Variants in SCMH1 observed in about 807,000 individuals in gnomAD.
SCMH1 encodes the protein Scm polycomb group protein homolog 1, also known as polycomb protein SCMH1.
In SCMH1, 37 loss-of-function variants were observed where a neutral mutation model predicts 70.8. The observed-to-expected ratio is 0.52, with a 90% CI of 0.40 to 0.69. The LOEUF is 0.69. Ranked by LOEUF, SCMH1 falls within the 30% of genes least tolerant of loss-of-function variation. The pLI, the probability that SCMH1 is intolerant of heterozygous loss-of-function variation, is 0.00. For missense variants in SCMH1, 607 were observed against 827.3 expected (o/e 0.73, Z 3.27); for synonymous variants, 292 against 307.4 (o/e 0.95, Z 0.52).
intron 5 of SCMH1, among the ~76,000 whole-genome samples, chr1:41,150,936 CAAAAAAAAA>C (rs71062579): frequency 1.3e-5 from 1 of 76,524 alleles, no homozygotes; most frequent in Non-Finnish European, 2.5e-5. Context: ...GACACCATCT[CAAAAAAAAA>C]AAAAAAAAAA....
chr1:41,086,748 GCAA>G (rs553320419), intron 8 of SCMH1, among the ~76,000 whole-genome samples: 61 of 152,062 alleles, frequency 4.0e-4, no homozygotes, highest in Non-Finnish European at 7.4e-4. Flanking sequence ...CTAAACAACA[GCAA>G]CAACAACAAA....
chr1:41,050,621 T>C (rs1296122033), intron 10 of SCMH1, among the ~76,000 whole-genome samples: 1 of 152,146 alleles, frequency 6.6e-6, no homozygotes, highest in Non-Finnish European at 1.5e-5. Flanking sequence ...ATTGAACGAA[T>C]ACATTTAACT....
chr1:41,209,888 AG>A (rs1181134109), intron 1 of SCMH1, among the ~76,000 whole-genome samples: 2 of 152,228 alleles, frequency 1.3e-5, no homozygotes, highest in Non-Finnish European at 2.9e-5. Flanking sequence ...AAAGAAATAA[AG>A]GGTATTCAAT....
chr1:41,028,167 T>C (rs764220704), exon 15 of SCMH1: 3 of 1,613,566 alleles, frequency 1.9e-6, no homozygotes, highest in Admixed American at 3.3e-5. Flanking sequence ...CTGCTGCCAC[T>C]TGGTTGTCTA....
At chr1:41,239,663 T>C (rs567670523) in intron 1 of SCMH1, among the ~76,000 whole-genome samples, 16 of 152,294 alleles carry the variant, frequency 1.1e-4, no homozygotes, top group South Asian at 4.2e-4. Flanking sequence ...TTTTAAAAGA[T>C]GGGGTCTCAT....
At chr1:41,055,359 T>C (rs922797765) in intron 10 of SCMH1, among the ~76,000 whole-genome samples, 1 of 121,026 alleles carries the variant, frequency 8.3e-6, no homozygotes, top group South Asian at 2.7e-4. Flanking sequence ...TCGGAATTTC[T>C]TTTTTTTTGA....
At chr1:41,034,933 C>G (rs754787756) in intron 13 of SCMH1, among the ~76,000 whole-genome samples, 1 of 152,198 alleles carries the variant, frequency 6.6e-6, no homozygotes, top group Non-Finnish European at 1.5e-5. Context: ...AACTCCTGCT[C>G]TAATCCTTGG....
At chr1:41,085,914 C>G (rs1460191137) in intron 8 of SCMH1, among the ~76,000 whole-genome samples, 1 of 143,636 alleles carries the variant, frequency 7.0e-6, no homozygotes, top group Non-Finnish European at 1.5e-5. Flanking sequence ...GAACTCGGCT[C>G]ACTGCAACCT....
chr1:41,029,332 C>CCTCCTGA (rs1221669868), intron 13 of SCMH1, among the ~76,000 whole-genome samples: 1 of 152,172 alleles, frequency 6.6e-6, no homozygotes, highest in Non-Finnish European at 1.5e-5. Context: ...CCTGCCTCAG[C>CCTCCTGA]CTCCTGAGTA....
chr1:41,089,911 C>G (rs2149014249), intron 8 of SCMH1, among the ~76,000 whole-genome samples: 1 of 150,330 alleles, frequency 6.7e-6, no homozygotes, highest in East Asian at 2.0e-4. Context: ...CGTGCCTCAG[C>G]CTCTCGAGTA....
At chr1:41,129,576 C>G (rs983684374) in intron 6 of SCMH1, among the ~76,000 whole-genome samples, 1 of 152,160 alleles carries the variant, frequency 6.6e-6, no homozygotes, top group African/African-American at 2.4e-5. Context: ...ATCTCTCTCT[C>G]TTCCCCAGCC....
At chr1:41,145,476 G>T (rs1644469925) in intron 5 of SCMH1, among the ~76,000 whole-genome samples, 1 of 152,140 alleles carries the variant, frequency 6.6e-6, no homozygotes, top group African/African-American at 2.4e-5. Context: ...TTTGTAGTAA[G>T]TTTTGAAATC....
intron 10 of SCMH1, among the ~76,000 whole-genome samples, chr1:41,049,548 G>A (rs1383843101): frequency 6.6e-6 from 1 of 151,324 alleles, no homozygotes; most frequent in African/African-American, 2.4e-5. Flanking sequence ...GAGGCAGGTG[G>A]ATCACGAGGT....
intron 6 of SCMH1, among the ~76,000 whole-genome samples, chr1:41,139,915 A>G (rs1295583594): frequency 6.6e-6 from 1 of 152,182 alleles, no homozygotes; most frequent in African/African-American, 2.4e-5. Flanking sequence ...AAATTTTAAA[A>G]AGCAATTCCA....
Position 41,131,913 on chromosome 1 carries a change from G to A in SCMH1, c.412+10965C>T, listed in dbSNP as rs375302985. Among the ~76,000 whole-genome samples, 10 of 152,300 alleles carry A rather than the reference G, an allele frequency of 6.6e-5. No individual in the cohort carries two copies. The East Asian group carries it at 1.9e-3, about 29-fold the overall frequency. On this transcript the variant is annotated intron_variant, in intron 6 of 14. Transcript: ENST00000337495. ...TTATGGCTGCATAGTATTCCATGGT[G>A]TATATGTGCCACATTTTCTTTATCC... is the stretch of plus-strand genomic sequence containing the variant.
intron 1 of SCMH1, among the ~76,000 whole-genome samples, chr1:41,187,066 A>C (rs1650419457): frequency 1.3e-5 from 2 of 152,164 alleles, no homozygotes; most frequent in Admixed American, 1.3e-4. Context: ...AACAAAAACA[A>C]AGTAAAAACA....
intron 2 of SCMH1, among the ~76,000 whole-genome samples, chr1:41,170,492 G>A (rs1646717970): frequency 6.6e-6 from 1 of 152,142 alleles, no homozygotes; most frequent in African/African-American, 2.4e-5. Flanking sequence ...TTTATTTGGT[G>A]CATTCATGGG....
chr1:41,118,732 AGG>A (rs1482782229), intron 6 of SCMH1, among the ~76,000 whole-genome samples: 1 of 152,254 alleles, frequency 6.6e-6, no homozygotes, highest in Non-Finnish European at 1.5e-5. Flanking sequence ...TATTACAGTT[AGG>A]TCTTCCAATT....
At chr1:41,077,757 G>C (rs1009361934) in intron 8 of SCMH1, among the ~76,000 whole-genome samples, 10 of 152,238 alleles carry the variant, frequency 6.6e-5, no homozygotes, top group Non-Finnish European at 8.8e-5. Context: ...AGGTGATCAG[G>C]CCCTATCCTA....
Sources: gnomAD v4.1 joint callset for allele counts (sites outside exome capture counted in the v4.1 genomes callset) on GRCh38, gnomAD v4.1.1 for gene constraint, MANE v1.5 for transcripts, NCBI Gene and HGNC (gene_info 2026-07-23, HGNC 2026-07-21) for gene names.